UBR1: variants seen among roughly 807,000 people sequenced by gnomAD.
UBR1 encodes E3 ubiquitin-protein ligase UBR1.
A neutral mutation model predicts 242.1 loss-of-function variants in UBR1; 102 were observed. The ratio of observed to expected loss-of-function variants is 0.42; its 90% confidence interval spans 0.36 to 0.50. The LOEUF (loss-of-function observed/expected upper bound fraction) is 0.50. UBR1 is among the 20% of genes least tolerant of loss of function. UBR1 has a pLI of 0.01. For missense variants in UBR1, 1,772 were observed against 2,101.8 expected, an observed-to-expected ratio of 0.84 and a Z score of 3.07; for synonymous variants, 675 against 684.8, an observed-to-expected ratio of 0.99 and a Z score of 0.22.
intron 12 of UBR1, among the ~76,000 whole-genome samples, chr15:43,054,094 A>T (rs1351224584): frequency 1.3e-5 from 2 of 152,220 alleles, no homozygotes; most frequent in African/African-American, 4.8e-5. Context: ...TCATGACTGT[A>T]ATCCCAACAC....
intron 6 of UBR1, among the ~76,000 whole-genome samples, chr15:43,066,149 T>C (rs556411724): frequency 3.9e-5 from 6 of 152,310 alleles, no homozygotes; most frequent in Admixed American, 2.0e-4. Flanking sequence ...TTGTATAAGG[T>C]ATAGGGAAGG....
intron 2 of UBR1, among the ~76,000 whole-genome samples, chr15:43,084,394 T>C (rs28564939): frequency 0.24 from 36,401 of 152,140 alleles, 5,168 homozygotes; most frequent in African/African-American, 0.39. Context: ...GCTAAAAATA[T>C]GTAAGAATAT....
chr15:43,016,135 C>T lies in UBR1; in HGVS notation c.3028-266G>A, dbSNP rs190268075. On this transcript the variant is annotated intron_variant, in intron 28 of 46. Transcript: ENST00000290650. ...CTGCCTTTTATACTCAATGCAGGTA[C>T]CTTAAGAAATAAAATTAGATAAAAC... Among the ~76,000 whole-genome samples the T allele has an allele frequency of 2.6e-5, 4 of 152,274 alleles. No homozygotes were observed. In the East Asian group the frequency reaches 7.7e-4, roughly 29 times the overall value.
chr15:43,047,020 TAA>T, intron 14 of UBR1, 139 bp downstream of exon 14: 1 of 1,065,808 alleles, frequency 9.4e-7, no homozygotes, highest in Non-Finnish European at 1.3e-6. Context: ...CCCCTAAATT[TAA>T]AAAGAGAAAT....
intron 30 of UBR1, among the ~76,000 whole-genome samples, chr15:43,006,091 TAAAAAAAAAAAAAAG>T (rs960623833): frequency 0.018 from 1,286 of 71,650 alleles, 16 homozygotes; most frequent in African/African-American, 0.061. Flanking sequence ...CAATAAATAC[TAAAAAAAAAAAAAAG>T]AAAAAAAAAA....
intron 42 of UBR1, among the ~76,000 whole-genome samples, chr15:42,962,981 G>A (rs918169865): frequency 5.9e-5 from 9 of 152,172 alleles, no homozygotes; most frequent in African/African-American, 1.9e-4. Flanking sequence ...AGAGGGCAAG[G>A]ACTTTCTGTT....
chr15:43,004,033 T>C (rs907347374), intron 30 of UBR1, 103 bp from the exon 31 acceptor site: 8 of 958,268 alleles, frequency 8.3e-6, no homozygotes, highest in South Asian at 1.3e-5. Flanking sequence ...TGTCACAATA[T>C]CATGATAGGA....
At position 43,021,142 on chromosome 15, in the gene UBR1, T is replaced by G. The variant is rs74009236; in HGVS notation, c.2940+133A>C. The stretch of plus-strand genomic sequence containing the variant: ...ATAAAATATAGGAAAATAGAATTAT[T>G]AACATGAAAAATAAGTGATTATGAA... On this transcript the variant is annotated intron_variant, in intron 27 of 46. Coordinates refer to ENST00000290650, the MANE Select transcript of UBR1 (RefSeq NM_174916.3). The G allele has an allele frequency of 0.012, 8,024 of 657,112 alleles. 479 individuals are homozygous for G. In the African/African-American group the frequency reaches 0.13, roughly 11 times the overall value. 40.7% of individuals were successfully genotyped at this position (657,112 alleles called of 1,614,324 possible).
intron 42 of UBR1, among the ~76,000 whole-genome samples, chr15:42,961,811 A>G (rs1026176901): frequency 2.6e-5 from 4 of 151,516 alleles, no homozygotes; most frequent in South Asian, 2.1e-4. Context: ...GTGGAGTCCA[A>G]TGGTGTGGTC....
At chr15:43,032,667 G>A in intron 19 of UBR1, 36 bp from the exon 20 acceptor site, 1 of 1,319,664 alleles carries the variant, frequency 7.6e-7, no homozygotes, top group Non-Finnish European at 1.1e-6. Flanking sequence ...AGTTATGGAA[G>A]AACCAAAAAC....
chr15:43,011,127 T>C (rs1477900500), intron 29 of UBR1, among the ~76,000 whole-genome samples: 1 of 151,480 alleles, frequency 6.6e-6, no homozygotes, highest in Non-Finnish European at 1.5e-5. Context: ...GTCATAATTA[T>C]GCCTGTGAAG....
chr15:43,006,751 G>GA (rs2032837121), intron 30 of UBR1, among the ~76,000 whole-genome samples: 2 of 152,008 alleles, frequency 1.3e-5, no homozygotes, highest in African/African-American at 4.8e-5. Flanking sequence ...CAAGTGGCCT[G>GA]AATTCTTCAA....
rs777112472 is a variant in UBR1 at position 43,027,752 on chromosome 15, T to A, written c.2432+24A>T. ...ACAAAGATCAAACTACCTTTTAGAA[T>A]AAGCATAAATATTAAGCACTTACTT... On this transcript the variant is annotated intron_variant, in intron 22 of 46. Coordinates refer to ENST00000290650, the MANE Select transcript of UBR1 (RefSeq NM_174916.3). The A allele has an allele frequency of 1.9e-6, 3 of 1,602,132 alleles. No individual in the cohort carries two copies. In the South Asian group the frequency reaches 3.3e-5, roughly 18 times the overall value.
At chr15:43,018,222 C>T (rs1236918091) in intron 27 of UBR1, among the ~76,000 whole-genome samples, 11 of 152,022 alleles carry the variant, frequency 7.2e-5, no homozygotes, top group Non-Finnish European at 1.2e-4. Flanking sequence ...AGGATGGTCT[C>T]GATCTCCTGA....
At chr15:43,037,321 G>T (rs1211453546) in intron 17 of UBR1, among the ~76,000 whole-genome samples, 4 of 148,842 alleles carry the variant, frequency 2.7e-5, no homozygotes, top group African/African-American at 9.9e-5. Flanking sequence ...GCACTCCATA[G>T]CCTGGGCAGT....
At chr15:43,027,670 T>A in intron 22 of UBR1, 106 bp downstream of exon 22, 1 of 986,094 alleles carries the variant, frequency 1.0e-6, no homozygotes, top group Non-Finnish European at 1.6e-6. Flanking sequence ...TCCACTCTTA[T>A]TCTTGGGAGT....
intron 1 of UBR1, among the ~76,000 whole-genome samples, chr15:43,100,957 T>C (rs1184049354): frequency 6.6e-6 from 1 of 152,154 alleles, no homozygotes; most frequent in African/African-American, 2.4e-5. Flanking sequence ...TAATTACAGA[T>C]TGTAATAATT....
chr15:43,063,479 C>T (rs1036126428), intron 6 of UBR1, among the ~76,000 whole-genome samples: 4 of 152,096 alleles, frequency 2.6e-5, no homozygotes, highest in African/African-American at 7.2e-5. Context: ...TTACAATCTG[C>T]AATATTAACC....
intron 1 of UBR1, among the ~76,000 whole-genome samples, chr15:43,095,373 T>C (rs1173735676): frequency 6.6e-6 from 1 of 152,176 alleles, no homozygotes; most frequent in Admixed American, 6.5e-5. Context: ...GAGAATTATA[T>C]TCAAGTGAGT....
Sources: gnomAD v4.1 joint callset for allele counts (sites outside exome capture counted in the v4.1 genomes callset) on GRCh38, gnomAD v4.1.1 for gene constraint, MANE v1.5 for transcripts, NCBI Gene and HGNC (gene_info 2026-07-23, HGNC 2026-07-21) for gene names.